BAZ2B: variants seen among roughly 807,000 people sequenced by gnomAD.
BAZ2B encodes bromodomain adjacent to zinc finger domain protein 2B.
A neutral mutation model predicts 246.0 loss-of-function variants in BAZ2B; 91 were observed. That is an observed-to-expected ratio of 0.37 (90% CI 0.31 to 0.44). The LOEUF (loss-of-function observed/expected upper bound fraction) is 0.44. BAZ2B is among the 20% of genes least tolerant of loss of function. BAZ2B has a pLI of 1.00. For synonymous variants in BAZ2B, 855 were observed against 860.0 expected (o/e 0.99, Z 0.10); for missense variants, 2,332 against 2,533.7 (o/e 0.92, Z 1.71).
chr2:159,673,880 A>G, the BAZ2B span, among the ~76,000 whole-genome samples: 1 of 152,216 alleles, frequency 6.6e-6, no homozygotes, highest in Admixed American at 6.5e-5. Flanking sequence ...CAAATCCTGT[A>G]GAGGAATGAT....
chr2:159,675,687 C>T, the BAZ2B span, among the ~76,000 whole-genome samples: 1 of 152,174 alleles, frequency 6.6e-6, no homozygotes, highest in African/African-American at 2.4e-5. Flanking sequence ...CATATATCAT[C>T]TCTTTAAAGA....
chr2:159,673,822 T>C, the BAZ2B span, among the ~76,000 whole-genome samples: 3 of 152,108 alleles, frequency 2.0e-5, no homozygotes, highest in Non-Finnish European at 2.9e-5. Flanking sequence ...TGTGAAGATA[T>C]ACATATTTTC....
Position 159,386,018 on chromosome 2 carries a change from A to G in BAZ2B, c.3471+335T>C, listed in dbSNP as rs1446632016. ...CACAGTGATTGAGAGAGAACAAGGTATAATATCAGAAGGCACATACAAGTT... is the reference window on the plus strand; with the variant it reads ...CACAGTGATTGAGAGAGAACAAGGTGTAATATCAGAAGGCACATACAAGTT... On this transcript the variant is annotated intron_variant, in intron 22 of 36. Transcript: ENST00000392783. 3.9e-5 allele frequency among the ~76,000 whole-genome samples: 6 copies of G among 152,190 alleles called. No individual in the cohort carries two copies. In the East Asian group the frequency reaches 1.2e-3, roughly 29 times the overall value.
intron 2 of BAZ2B, among the ~76,000 whole-genome samples, chr2:159,493,582 C>T (rs992432797): frequency 1.3e-5 from 2 of 152,202 alleles, no homozygotes; most frequent in African/African-American, 4.8e-5. Context: ...ACCATGTTTT[C>T]TTCACAGGGT....
chr2:159,706,200 A>C, the BAZ2B span, among the ~76,000 whole-genome samples: 3 of 152,146 alleles, frequency 2.0e-5, no homozygotes, highest in African/African-American at 7.2e-5. Flanking sequence ...TTTGTGGAGT[A>C]GCAGACAGAG....
At chr2:159,692,172 T>G in the BAZ2B span, among the ~76,000 whole-genome samples, 66 of 152,270 alleles carry the variant, frequency 4.3e-4, no homozygotes, top group African/African-American at 1.4e-3. Context: ...TTTTTCTTTT[T>G]GAGATGGAGT....
intron 2 of BAZ2B, among the ~76,000 whole-genome samples, chr2:159,496,114 G>T (rs1350250869): frequency 6.7e-6 from 1 of 148,406 alleles, no homozygotes; most frequent in Non-Finnish European, 1.5e-5. Flanking sequence ...GGTGGCTCAC[G>T]CCTGTAATCC....
At chr2:159,490,688 AT>A (rs148348043) in intron 2 of BAZ2B, among the ~76,000 whole-genome samples, 5 of 149,956 alleles carry the variant, frequency 3.3e-5, no homozygotes, top group Middle Eastern at 3.4e-3. Flanking sequence ...ACACCTGGCT[AT>A]TTTTTTTTTA....
the BAZ2B span, among the ~76,000 whole-genome samples, chr2:159,655,726 T>C: frequency 6.6e-6 from 1 of 152,332 alleles, no homozygotes; most frequent in South Asian, 2.1e-4. Context: ...GTGTTTCAAT[T>C]TGCTGCTAAG....
chr2:159,462,183 G>T, intron 3 of BAZ2B: 1 of 412,454 alleles, frequency 2.4e-6, no homozygotes, highest in Non-Finnish European at 4.4e-6. Context: ...ACTTACACTT[G>T]GATATAGCAA....
At chr2:159,509,444 G>A (rs2082676218) in intron 2 of BAZ2B, among the ~76,000 whole-genome samples, 1 of 152,132 alleles carries the variant, frequency 6.6e-6, no homozygotes, top group Non-Finnish European at 1.5e-5. Context: ...ACTTTAAGAG[G>A]TGGCTATTTA....
chr2:159,607,790 C>A (rs1274214405), intron 1 of BAZ2B, among the ~76,000 whole-genome samples: 1 of 152,146 alleles, frequency 6.6e-6, no homozygotes, highest in Non-Finnish European at 1.5e-5. Flanking sequence ...TAGTTCAATG[C>A]TACCTAAACC....
Position 159,349,887 on chromosome 2 carries a change from G to C in BAZ2B, c.4684C>G (p.Leu1562Val), listed in dbSNP as rs758666979. ...TCATCACAGGGTGTTCGTGGCAAAAGACTAAACCATTGTCTATTCTTTTCA... is the reference window on the plus strand; with the variant it reads ...TCATCACAGGGTGTTCGTGGCAAAACACTAAACCATTGTCTATTCTTTTCA... ...LTEKNRQWFS[L>V]LPRTPCDDTS... Residue 1562 changes from leucine (L) to valine (V), a missense_variant, in exon 28 of 37, where the codon CTT becomes GTT. Physicochemically the swap from Leu to Val is conservative, Grantham distance 32. Around this residue, in one of 9 missense-constraint regions of BAZ2B, gnomAD observed 676 missense variants for 668.6 expected, o/e 1.01. Transcript: ENST00000392783. 7 of 1,614,070 alleles carry C rather than the reference G, an allele frequency of 4.3e-6. No individual in the cohort carries two copies. In the African/African-American group the frequency reaches 5.3e-5, roughly 12 times the overall value.
chr2:159,603,238 A>C (rs577324945), intron 1 of BAZ2B, among the ~76,000 whole-genome samples: 26 of 152,412 alleles, frequency 1.7e-4, no homozygotes, highest in African/African-American at 6.2e-4. Context: ...CTCATGATAT[A>C]ATCCAAATAA....
chr2:159,408,080 TAA>T (rs1159939358), intron 14 of BAZ2B, among the ~76,000 whole-genome samples: 3 of 152,220 alleles, frequency 2.0e-5, no homozygotes, highest in South Asian at 2.1e-4. Flanking sequence ...TTCTCTAATA[TAA>T]GTTTAACTTT....
At chr2:159,485,385 A>C (rs958453521) in intron 2 of BAZ2B, among the ~76,000 whole-genome samples, 3 of 152,180 alleles carry the variant, frequency 2.0e-5, no homozygotes, top group African/African-American at 7.2e-5. Flanking sequence ...TATTCATAAA[A>C]TTTTTATTTA....
the BAZ2B span, among the ~76,000 whole-genome samples, chr2:159,645,753 C>A: frequency 2.6e-3 from 402 of 152,002 alleles, 2 homozygotes; most frequent in African/African-American, 9.1e-3. Context: ...GCTGGGTGTC[C>A]GGGGGAGACA....
At chr2:159,393,098 G>C (rs1201360576) in intron 20 of BAZ2B, among the ~76,000 whole-genome samples, 1 of 144,752 alleles carries the variant, frequency 6.9e-6, no homozygotes, top group Non-Finnish European at 1.5e-5. Context: ...CGTTCATTCA[G>C]GAATAATAAC....
At chr2:159,521,463 C>A (rs1234413193) in intron 2 of BAZ2B, among the ~76,000 whole-genome samples, 7 of 152,044 alleles carry the variant, frequency 4.6e-5, no homozygotes, top group Admixed American at 2.0e-4. Context: ...ATACAATATT[C>A]ATTTTTCTGC....
Sources: allele counts gnomAD v4.1 joint callset (sites outside exome capture counted in the v4.1 genomes callset), GRCh38; gene constraint gnomAD v4.1.1; regional missense constraint gnomAD v4.1.1; transcripts MANE v1.5; gene names NCBI Gene and HGNC (gene_info 2026-07-23, HGNC 2026-07-21).